The following FBLN2 variants were observed in gnomAD, a reference collection of about 807,000 sequenced individuals.
The protein encoded by FBLN2 is fibulin-2.
A neutral mutation model predicts 123.7 loss-of-function variants in FBLN2; 81 were observed. That is an observed-to-expected ratio of 0.65 (90% CI 0.55 to 0.79). The LOEUF (loss-of-function observed/expected upper bound fraction) is 0.79, where lower values mean the gene tolerates loss of function less well. Ranked by LOEUF, FBLN2 falls within the 30% of genes least tolerant of loss-of-function variation. The probability of loss-of-function intolerance (pLI) is 0.00; values close to 1 mark genes in which losing one functional copy is unlikely to be tolerated. For synonymous variants in FBLN2, 699 were observed against 701.4 expected, an observed-to-expected ratio of 1.00 and a Z score of 0.05; for missense variants, 1,603 against 1,681.3, an observed-to-expected ratio of 0.95 and a Z score of 0.81.
At chr3:13,582,970 C>A (rs1041091128) in intron 2 of FBLN2, among the ~76,000 whole-genome samples, 35 of 152,374 alleles carry the variant, frequency 2.3e-4, no homozygotes, top group African/African-American at 8.2e-4. Context: ...GGGGCCGTTC[C>A]GCTGCTATGT....
chr3:13,614,232 G>A (rs1171279238), intron 5 of FBLN2, 68 bp downstream of exon 5: 2 of 1,495,688 alleles, frequency 1.3e-6, no homozygotes, highest in Middle Eastern at 1.8e-4. Flanking sequence ...CCTTCTGTGG[G>A]GACCCTGGGT....
At chr3:13,620,047 T>G (rs1030258927) in intron 8 of FBLN2, among the ~76,000 whole-genome samples, 5 of 152,148 alleles carry the variant, frequency 3.3e-5, no homozygotes, top group Non-Finnish European at 5.9e-5. Context: ...GCCTGCAGTG[T>G]GGCTGCATAG....
intron 8 of FBLN2, among the ~76,000 whole-genome samples, chr3:13,621,296 G>A (rs1056305474): frequency 3.3e-5 from 5 of 152,220 alleles, no homozygotes; most frequent in Non-Finnish European, 7.3e-5. Context: ...CCAGATTTTA[G>A]GTTTCTCTTG....
At chr3:13,616,234 G>A (rs534219421) in intron 5 of FBLN2, among the ~76,000 whole-genome samples, 94 of 152,332 alleles carry the variant, frequency 6.2e-4, no homozygotes, top group Middle Eastern at 3.4e-3. Context: ...GTGAAGGCCA[G>A]GTTAGTACCC....
At chr3:13,625,061 G>A (rs971408424) in intron 9 of FBLN2, among the ~76,000 whole-genome samples, 33 of 151,122 alleles carry the variant, frequency 2.2e-4, no homozygotes, top group African/African-American at 6.1e-4. Flanking sequence ...CTGTGGCCCC[G>A]GGGCAGTTTC....
intron 3 of FBLN2, among the ~76,000 whole-genome samples, 164 bp downstream of exon 3, chr3:13,608,337 C>T (rs938032342): frequency 3.9e-5 from 6 of 152,258 alleles, no homozygotes; most frequent in African/African-American, 7.2e-5. Flanking sequence ...TCTGGCCAGG[C>T]TTTCTCCAGG....
intron 2 of FBLN2, among the ~76,000 whole-genome samples, chr3:13,585,867 G>A (rs1704480125): frequency 1.3e-5 from 2 of 152,180 alleles, no homozygotes; most frequent in South Asian, 4.1e-4. Flanking sequence ...GATAATGAAT[G>A]TCTGTGTTAC....
In FBLN2 at chr3:13,628,923, C is replaced by T. The variant is rs747315120; in HGVS notation, c.2588C>T (p.Ser863Leu). 2 of 1,613,086 alleles carry T rather than the reference C, an allele frequency of 1.2e-6. No homozygotes were observed. The highest frequency in any genetic ancestry group is 1.7e-6 in the Non-Finnish European group (2 of 1,179,618). ...GNCVDINECT[S>L]LSEPCRPGFS... is the part of the protein sequence containing the mutation. ...TCTGCAGACATCAACGAGTGCACGT[C>T]ACTGTCCGAGCCATGTCGGCCAGGC... The change falls in exon 12 of 18, where the codon TCA becomes TTA. Residue 863 changes from serine to leucine, a missense_variant. Physicochemically the swap from Ser to Leu is moderately radical, Grantham distance 145 (BLOSUM62 -2). Coordinates refer to ENST00000404922, the MANE Select transcript of FBLN2 (RefSeq NM_001004019.2).
At chr3:13,611,073 A>AT (rs1705377180) in intron 4 of FBLN2, among the ~76,000 whole-genome samples, 1 of 151,722 alleles carries the variant, frequency 6.6e-6, no homozygotes, top group African/African-American at 2.4e-5. Context: ...CGCCCAGCTA[A>AT]TTTTTTTGTG....
intron 4 of FBLN2, 62 bp from the exon 5 acceptor site, chr3:13,613,922 C>G: frequency 6.5e-7 from 1 of 1,544,242 alleles, no homozygotes; most frequent in East Asian, 2.3e-5. Flanking sequence ...TCAGTCCCTC[C>G]CCTGAGCCTA....
intron 2 of FBLN2, 110 bp downstream of exon 2, chr3:13,571,771 GC>G: frequency 2.4e-6 from 3 of 1,275,142 alleles, no homozygotes; most frequent in Non-Finnish European, 3.1e-6. Context: ...GGACTGTGGG[GC>G]CAGGCCTAGG....
Position 13,581,054 on chromosome 3 carries a change from A to G in FBLN2, c.1306+9393A>G, listed in dbSNP as rs1389194309. Reference sequence around the variant, plus strand: ...GTGGAAACAGAGGTCCAAGAGAAAGATTAGAAACACACAGGTGTTTAATTT... The same window carrying G: ...GTGGAAACAGAGGTCCAAGAGAAAGGTTAGAAACACACAGGTGTTTAATTT... On this transcript the variant is annotated intron_variant, in intron 2 of 17. Transcript: ENST00000404922. 3.3e-5 allele frequency among the ~76,000 whole-genome samples: 5 copies of G among 152,242 alleles called. No homozygotes were observed. The East Asian group carries it at 9.6e-4, about 29-fold the overall frequency.
At chr3:13,559,421 TC>T (rs1703549905) in intron 1 of FBLN2, among the ~76,000 whole-genome samples, 1 of 152,184 alleles carries the variant, frequency 6.6e-6, no homozygotes, top group Admixed American at 6.5e-5. Context: ...CAAGATGGCT[TC>T]AGGTACCCTT....
intron 7 of FBLN2, 33 bp from the exon 8 acceptor site, chr3:13,619,697 G>A (rs747277754): frequency 6.3e-7 from 1 of 1,588,750 alleles, no homozygotes; most frequent in East Asian, 2.2e-5. Flanking sequence ...GCCAGGGCCT[G>A]GTGGTCTCTG....
chr3:13,618,775 C>T (rs1010779879), intron 6 of FBLN2, 129 bp from the exon 7 acceptor site: 8 of 665,212 alleles, frequency 1.2e-5, no homozygotes, highest in Non-Finnish European at 1.9e-5. Flanking sequence ...ATTTTCCTCT[C>T]CTGTGAAATG....
chr3:13,612,124 G>A (rs57075560), intron 4 of FBLN2, among the ~76,000 whole-genome samples: 43,843 of 151,856 alleles, frequency 0.29, 9,748 homozygotes, highest in African/African-American at 0.62. Context: ...TTCAATTTTG[G>A]TCATCTTGGG....
intron 2 of FBLN2, among the ~76,000 whole-genome samples, chr3:13,606,434 C>T (rs1020317333): frequency 6.6e-6 from 1 of 152,152 alleles, no homozygotes; most frequent in Non-Finnish European, 1.5e-5. Flanking sequence ...TTAAGACATT[C>T]TCCCCTACCT....
chr3:13,558,139 C>A (rs1232704917), intron 1 of FBLN2, among the ~76,000 whole-genome samples: 1 of 152,212 alleles, frequency 6.6e-6, no homozygotes, highest in Non-Finnish European at 1.5e-5. Context: ...GCTGCCCGCT[C>A]CCCTGGCTGC....
rs150695828 is a variant in FBLN2, at chr3:13,560,674, A to G, written c.-41-9641A>G. ...AGTTTTCAAGATTGAAGCCAACTTG[A>G]TTACTTTGCTCTGATAATTTGTGAG... On this transcript the variant is annotated intron_variant, in intron 1 of 17. Transcript: ENST00000404922. 4.5e-3 allele frequency among the ~76,000 whole-genome samples: 691 copies of G among 152,278 alleles called. 2 individuals carry two copies. Among genetic ancestry groups the G allele is most frequent in the South Asian group, 0.036 (175 of 4,818 alleles).
Sources: gnomAD v4.1 joint callset for allele counts (sites outside exome capture counted in the v4.1 genomes callset) on GRCh38, gnomAD v4.1.1 for gene constraint, MANE v1.5 for transcripts, NCBI Gene and HGNC (gene_info 2026-07-23, HGNC 2026-07-21) for gene names.